Variants in AMZ1 observed in about 807,000 individuals in gnomAD.
AMZ1 encodes archaemetzincin-1.
A neutral mutation model predicts 29.9 loss-of-function variants in AMZ1; 39 were observed. The observed-to-expected ratio is 1.30, with a 90% CI of 1.01 to 1.70. The LOEUF (loss-of-function observed/expected upper bound fraction) is 1.70. Ranked by LOEUF, AMZ1 falls within the 40% of genes most tolerant of loss-of-function variation. The pLI is 0.00. For synonymous variants in AMZ1, 458 were observed against 304.0 expected (o/e 1.51, Z -5.27); for missense variants, 1,041 against 680.6 (o/e 1.53, Z -5.89).
chr7:2,692,102 A>G (rs1787424563), intron 1 of AMZ1, among the ~76,000 whole-genome samples: 1 of 152,308 alleles, frequency 6.6e-6, no homozygotes, highest in East Asian at 1.9e-4. Flanking sequence ...AGAAACTACA[A>G]AAATAAGCTG....
At chr7:2,693,873 C>A (rs1233902343) in intron 1 of AMZ1, among the ~76,000 whole-genome samples, 1 of 152,204 alleles carries the variant, frequency 6.6e-6, no homozygotes, top group Non-Finnish European at 1.5e-5. Context: ...CTTTTTCCAA[C>A]AGGACCTGTC....
chr7:2,747,811 G>A (rs1375065545), intron 4 of AMZ1, among the ~76,000 whole-genome samples: 1 of 152,000 alleles, frequency 6.6e-6, no homozygotes, highest in Admixed American at 6.6e-5. Context: ...AAGCTGATAA[G>A]CAACTTCAGG....
chr7:2,721,776 G>A (rs1257005795), downstream of AMZ1, among the ~76,000 whole-genome samples: 1 of 151,528 alleles, frequency 6.6e-6, no homozygotes, highest in African/African-American at 2.4e-5. Flanking sequence ...CCACTTCTCA[G>A]CAGTGGCGGG....
At chr7:2,696,344 C>T (rs1303125117) in intron 1 of AMZ1, among the ~76,000 whole-genome samples, 1 of 150,238 alleles carries the variant, frequency 6.7e-6, no homozygotes, top group Non-Finnish European at 1.5e-5. Context: ...GCAAGCTCCG[C>T]CTCCCAGGTT....
At chr7:2,706,673 C>A (rs146599092) in intron 3 of AMZ1, among the ~76,000 whole-genome samples, 1 of 152,348 alleles carries the variant, frequency 6.6e-6, no homozygotes, top group Non-Finnish European at 1.5e-5. Flanking sequence ...TGCGTCTCTT[C>A]TAAGACTCCA....
chr7:2,762,636 A>T (rs1306189547), upstream of AMZ1: 4 of 1,588,464 alleles, frequency 2.5e-6, 1 homozygote, highest in South Asian at 4.6e-5. Flanking sequence ...CAATGCCATG[A>T]AGCACAGAGC....
chr7:2,745,909 A>G (rs1480732188), intron 4 of AMZ1, among the ~76,000 whole-genome samples: 1 of 152,242 alleles, frequency 6.6e-6, no homozygotes, highest in Non-Finnish European at 1.5e-5. Flanking sequence ...AACAAAGATC[A>G]AAAGAGACAA....
chr7:2,742,259 G>A (rs1032075078), intron 4 of AMZ1, among the ~76,000 whole-genome samples: 2 of 151,990 alleles, frequency 1.3e-5, no homozygotes, highest in Non-Finnish European at 2.9e-5. Flanking sequence ...TAAGTGATCT[G>A]CCCGCCTCAG....
chr7:2,684,872 C>CT (rs60735391), upstream of AMZ1, among the ~76,000 whole-genome samples: 515 of 132,598 alleles, frequency 3.9e-3, 5 homozygotes, highest in East Asian at 0.014. Flanking sequence ...CACATAATTG[C>CT]TTTTTTTTTT....
chr7:2,680,778 T>C (rs1786854143), intron 1 of AMZ1, among the ~76,000 whole-genome samples: 1 of 152,212 alleles, frequency 6.6e-6, no homozygotes, highest in Non-Finnish European at 1.5e-5. Context: ...ATGCGCTCAC[T>C]GGGGGCTCCT....
chr7:2,699,710 G>T (rs887359811), intron 1 of AMZ1, among the ~76,000 whole-genome samples: 4 of 152,172 alleles, frequency 2.6e-5, no homozygotes, highest in African/African-American at 9.7e-5. Context: ...AACCCCAGGC[G>T]ATGGGGGGAC....
At chr7:2,681,494 C>T (rs765873701) in intron 1 of AMZ1, among the ~76,000 whole-genome samples, 2 of 152,090 alleles carry the variant, frequency 1.3e-5, no homozygotes, top group Non-Finnish European at 2.9e-5. Flanking sequence ...CTCCAGGGCT[C>T]GAGAGATCCA....
intron 4 of AMZ1, among the ~76,000 whole-genome samples, chr7:2,752,869 G>A (rs1200761038): frequency 6.6e-6 from 1 of 152,162 alleles, no homozygotes. Flanking sequence ...CAGAACCAGG[G>A]AACTGACGTT....
At chr7:2,759,841 C>T (rs1282302738), upstream of AMZ1, among the ~76,000 whole-genome samples, 2 of 152,032 alleles carry the variant, frequency 1.3e-5, no homozygotes, top group East Asian at 1.9e-4. Context: ...GTGCAGATGC[C>T]GTCCAATGCG....
rs1203683560 is a variant in AMZ1 at position 2,712,318 on chromosome 7, T to C, written c.949-12T>C. 6.5e-7 allele frequency: 1 copy of C among 1,542,952 alleles called. No individual in the cohort carries two copies. Among genetic ancestry groups the C allele is most frequent in the Non-Finnish European group, 8.7e-7 (1 of 1,143,046 alleles). On this transcript the variant is annotated splice_polypyrimidine_tract_variant and intron_variant, in intron 6 of 6. Coordinates refer to ENST00000683327, the MANE Select transcript of AMZ1 (RefSeq NM_001384743.1). ...GCACGGAGCAAACTCAGCCTGTGTT[T>C]CTCCCTCTTAGAGACTCTACACCTG...
At position 2,712,980 on chromosome 7, in the gene AMZ1, C is replaced by A; in HGVS notation, c.*102C>A. Reference sequence around the variant, plus strand: ...CCTGCCAGGGATAAAGAGGAAGGGTCTGCCTGGGTGGTGGCTCAGGCCTGT... The same window carrying A: ...CCTGCCAGGGATAAAGAGGAAGGGTATGCCTGGGTGGTGGCTCAGGCCTGT... On this transcript the variant is annotated 3_prime_UTR_variant, in exon 7 of 7. Transcript: ENST00000683327. 10 of 1,302,376 alleles carry A rather than the reference C, an allele frequency of 7.7e-6. No homozygotes were observed. The highest frequency in any genetic ancestry group is 1.0e-5 in the Non-Finnish European group (10 of 999,858). 80.7% of individuals were successfully genotyped at this position (1,302,376 alleles called of 1,614,324 possible). A position where few individuals can be genotyped will look rare whatever the true frequency, so the allele number is the denominator to read the frequency against.
In AMZ1 at chr7:2,716,318, A is replaced by G. The variant is rs1352331067; in HGVS notation, c.*3440A>G. On this transcript the variant is annotated 3_prime_UTR_variant, in exon 7 of 7. Transcript: ENST00000683327. ...CTTCCTCCCCAAAAAGCCCAAACTC[A>G]TTGTCAGAGTGGGGAGAGGGGAGAA... 2 of 152,050 alleles carry G rather than the reference A, an allele frequency of 1.3e-5. No individual in the cohort carries two copies. The highest frequency in any genetic ancestry group is 1.3e-4 in the Admixed American group (2 of 15,258). The allele number at this position is 152,050 out of a possible 1,614,324, so 9.4% of individuals were successfully genotyped here. A position where few individuals can be genotyped will look rare whatever the true frequency, so the allele number is the denominator to read the frequency against.
In AMZ1 at chr7:2,689,261, G is replaced by C. The variant is rs569159029; in HGVS notation, c.-219+965G>C. Among the ~76,000 whole-genome samples, 3 of 152,330 alleles carry C rather than the reference G, an allele frequency of 2.0e-5. No individual in the cohort carries two copies. In the East Asian group the frequency reaches 5.8e-4, roughly 29 times the overall value. On this transcript the variant is annotated intron_variant, in intron 1 of 6. Transcript: ENST00000683327. ...AGGCCAGGCATCTGCGTGGTCAGAT[G>C]GGGGAGCATGAGTGCCCGGAGCTGT...
upstream of AMZ1, among the ~76,000 whole-genome samples, chr7:2,761,872 A>G (rs1198172348): frequency 1.3e-5 from 2 of 152,200 alleles, no homozygotes; most frequent in African/African-American, 2.4e-5. Context: ...ACAACGTAAA[A>G]TTCGGCTTCC....
Sources: allele counts gnomAD v4.1 joint callset (sites outside exome capture counted in the v4.1 genomes callset), GRCh38; gene constraint gnomAD v4.1.1; transcripts MANE v1.5; gene names NCBI Gene and HGNC (gene_info 2026-07-23, HGNC 2026-07-21).